PRKD1: variants seen among roughly 807,000 people sequenced by gnomAD.
PRKD1 encodes protein kinase D1.
A neutral mutation model predicts 95.9 loss-of-function variants in PRKD1; 63 were observed. That is an observed-to-expected ratio of 0.66 (90% CI 0.54 to 0.81). The LOEUF (loss-of-function observed/expected upper bound fraction) is 0.81. Among genes scored for constraint, PRKD1 ranks in the 30% least tolerant of loss-of-function variants. The pLI, the probability that PRKD1 is intolerant of heterozygous loss-of-function variation, is 0.00. For synonymous variants in PRKD1, 425 were observed against 423.1 expected, an observed-to-expected ratio of 1.00 and a Z score of -0.05; for missense variants, 1,048 against 1,165.3, an observed-to-expected ratio of 0.90 and a Z score of 1.47.
chr14:29,914,908 T>TAG (rs1425092611), intron 1 of PRKD1, among the ~76,000 whole-genome samples: 1 of 152,058 alleles, frequency 6.6e-6, no homozygotes, highest in African/African-American at 2.4e-5. Context: ...GTATTTTTAG[T>TAG]AGAGACGGGG....
chr14:29,678,064 T>C (rs1408339407), intron 2 of PRKD1, among the ~76,000 whole-genome samples: 2 of 152,240 alleles, frequency 1.3e-5, no homozygotes, highest in African/African-American at 4.8e-5. Context: ...ACTGATTCAC[T>C]GATAATGTCA....
intron 11 of PRKD1, among the ~76,000 whole-genome samples, chr14:29,627,475 T>C (rs1006598149): frequency 5.3e-5 from 8 of 152,174 alleles, no homozygotes; most frequent in East Asian, 1.9e-4. Flanking sequence ...AGTCTAATTC[T>C]TTCTCTTTGA....
At chr14:29,725,331 G>A (rs895038461) in intron 2 of PRKD1, among the ~76,000 whole-genome samples, 4 of 152,168 alleles carry the variant, frequency 2.6e-5, no homozygotes, top group Admixed American at 6.6e-5. Flanking sequence ...GTCAAGAGAC[G>A]TGATTGGAGC....
At chr14:29,732,083 G>C (rs769139750) in intron 1 of PRKD1, among the ~76,000 whole-genome samples, 2 of 151,988 alleles carry the variant, frequency 1.3e-5, no homozygotes, top group Non-Finnish European at 2.9e-5. Flanking sequence ...ATGTTGGCCA[G>C]GCTGGTCTCG....
intron 1 of PRKD1, among the ~76,000 whole-genome samples, chr14:29,920,163 A>G (rs534703637): frequency 4.7e-5 from 7 of 149,786 alleles, no homozygotes; most frequent in Middle Eastern, 3.4e-3. Flanking sequence ...GAAGGAAACA[A>G]GGAAGGAAGG....
At chr14:29,710,110 T>C (rs1885269477) in intron 2 of PRKD1, among the ~76,000 whole-genome samples, 1 of 152,116 alleles carries the variant, frequency 6.6e-6, no homozygotes. Flanking sequence ...TAAAAAATAA[T>C]AAAGACCTAA....
chr14:29,826,816 CATAT>C lies in PRKD1; in HGVS notation c.264+100429_264+100432del, dbSNP rs1173701577. ...ACATATATATACACATATATATACACATATATATATATATATATATATACACACA... is the reference window on the plus strand; with the variant it reads ...ACATATATATACACATATATATACACATATATATATATATATATACACACA... On this transcript the variant is annotated intron_variant, in intron 1 of 17. Transcript: ENST00000331968. 2.2e-4 allele frequency among the ~76,000 whole-genome samples: 7 copies of C among 31,174 alleles called. 2 individuals carry two copies. Among genetic ancestry groups the C allele is most frequent in the African/African-American group, 6.8e-4 (5 of 7,382 alleles). The allele number at this position is 31,174 out of a possible 152,430, so 20.5% of individuals were successfully genotyped here.
chr14:29,746,847 G>T (rs1294517791), intron 1 of PRKD1, among the ~76,000 whole-genome samples: 1 of 151,840 alleles, frequency 6.6e-6, no homozygotes, highest in African/African-American at 2.4e-5. Flanking sequence ...TTATTGATTT[G>T]GAGAATATGA....
intron 1 of PRKD1, among the ~76,000 whole-genome samples, chr14:29,757,474 A>G (rs1887760195): frequency 6.6e-6 from 1 of 152,128 alleles, no homozygotes; most frequent in South Asian, 2.1e-4. Context: ...GCATGTGCAA[A>G]TACATAGCAA....
intron 2 of PRKD1, among the ~76,000 whole-genome samples, chr14:29,676,332 T>C (rs765928600): frequency 3.1e-4 from 47 of 151,838 alleles, no homozygotes; most frequent in Non-Finnish European, 2.8e-4. Flanking sequence ...TTGTGGAAAG[T>C]GGAGATCAAG....
At position 29,737,216 on chromosome 14, in the gene PRKD1, G is replaced by A. The variant is rs1364803325; in HGVS notation, c.265-11542C>T. On this transcript the variant is annotated intron_variant, in intron 1 of 17. Coordinates refer to ENST00000331968, the MANE Select transcript of PRKD1 (RefSeq NM_002742.3). ...GGGCGCCTGTAGTCCCAGCTACTGGGGAGGCTGAGGCAGGAGAATGGCGTG... is the reference window on the plus strand; with the variant it reads ...GGGCGCCTGTAGTCCCAGCTACTGGAGAGGCTGAGGCAGGAGAATGGCGTG... 5.3e-5 allele frequency among the ~76,000 whole-genome samples: 8 copies of A among 150,602 alleles called. No individual in the cohort carries two copies. The East Asian group carries it at 1.6e-3, about 30-fold the overall frequency.
In PRKD1 at chr14:29,710,240, G is replaced by A. The variant is rs1885274542; in HGVS notation, c.403+15296C>T. On this transcript the variant is annotated intron_variant, in intron 2 of 17. Coordinates refer to ENST00000331968, the MANE Select transcript of PRKD1 (RefSeq NM_002742.3). ...GGAGCTTTTCTTCCCTGCATTGAGG[G>A]TGAGACAGATTTAGTGACAGAGTTG... Among the ~76,000 whole-genome samples, 3 of 152,174 alleles carry A rather than the reference G, an allele frequency of 2.0e-5. No individual in the cohort carries two copies. In the South Asian group the frequency reaches 6.2e-4, roughly 32 times the overall value.
At chr14:29,917,072 T>A (rs1195776380) in intron 1 of PRKD1, among the ~76,000 whole-genome samples, 1 of 152,170 alleles carries the variant, frequency 6.6e-6, no homozygotes, top group Non-Finnish European at 1.5e-5. Context: ...TCATGTTTAA[T>A]TGATAAAAAG....
chr14:29,679,142 A>T (rs1455411326), intron 2 of PRKD1, among the ~76,000 whole-genome samples: 9 of 152,376 alleles, frequency 5.9e-5, no homozygotes, highest in African/African-American at 2.2e-4. Context: ...AAATGAACCT[A>T]AAAATGGAAA....
intron 1 of PRKD1, among the ~76,000 whole-genome samples, chr14:29,858,571 G>A (rs901425561): frequency 6.6e-6 from 1 of 151,910 alleles, no homozygotes; most frequent in African/African-American, 2.4e-5. Flanking sequence ...GGATCACTTC[G>A]AAACACTAGA....
At chr14:29,874,625 T>A (rs1404502099) in intron 1 of PRKD1, among the ~76,000 whole-genome samples, 4 of 152,120 alleles carry the variant, frequency 2.6e-5, no homozygotes, top group Non-Finnish European at 5.9e-5. Flanking sequence ...GACAATGTGG[T>A]CTACATACAC....
chr14:29,789,032 G>A (rs1325689769), intron 1 of PRKD1, among the ~76,000 whole-genome samples: 1 of 152,024 alleles, frequency 6.6e-6, no homozygotes, highest in African/African-American at 2.4e-5. Context: ...GACTATAGGT[G>A]TGCGCTACTA....
intron 4 of PRKD1, chr14:29,656,581 G>A: frequency 2.1e-6 from 3 of 1,422,484 alleles, no homozygotes; most frequent in Non-Finnish European, 2.9e-6. Context: ...AACGTTATTG[G>A]ATGGAAGCAA....
chr14:29,725,768 A>G (rs1886111238), intron 1 of PRKD1, 94 bp from the exon 2 acceptor site: 6 of 1,277,708 alleles, frequency 4.7e-6, no homozygotes, highest in Non-Finnish European at 6.5e-6. Context: ...GCTAATTAGA[A>G]AAGTTCAAAG....
Sources: allele counts gnomAD v4.1 joint callset (sites outside exome capture counted in the v4.1 genomes callset), GRCh38; gene constraint gnomAD v4.1.1; transcripts MANE v1.5; gene names NCBI Gene and HGNC (gene_info 2026-07-23, HGNC 2026-07-21).